SUGCT: variants seen among roughly 807,000 people sequenced by gnomAD.
SUGCT encodes succinyl-CoA:glutarate-CoA transferase, also known as succinyl-CoA:glutarate CoA-transferase.
SUGCT carries 41 observed loss-of-function variants against 55.0 expected under a neutral mutation model. The ratio of observed to expected loss-of-function variants is 0.74; its 90% CI spans 0.58 to 0.97. SUGCT has a LOEUF of 0.97. Among genes scored for constraint, SUGCT ranks in the 50% least tolerant of loss-of-function variants. SUGCT has a pLI of 0.00. For missense variants in SUGCT, 568 were observed against 547.8 expected (o/e 1.04, Z -0.37); for synonymous variants, 187 against 200.4 (o/e 0.93, Z 0.56).
chr7:40,242,925 A>G (rs1212500764), intron 7 of SUGCT, among the ~76,000 whole-genome samples: 1 of 26,428 alleles, frequency 3.8e-5, no homozygotes, highest in African/African-American at 1.4e-4. Flanking sequence ...ATATATATAT[A>G]TATATATATT....
At chr7:40,872,836 G>T in the SUGCT span, among the ~76,000 whole-genome samples, 1 of 152,216 alleles carries the variant, frequency 6.6e-6, no homozygotes, top group Non-Finnish European at 1.5e-5. Context: ...TCAAGTGAGA[G>T]AATTCATACC....
In SUGCT at chr7:40,773,598, C is replaced by T. The variant is rs144290783; in HGVS notation, c.1153+24101C>T. Among the ~76,000 whole-genome samples the T allele has an allele frequency of 5.3e-5, 8 of 152,236 alleles. 1 individual carries two copies. The South Asian group carries it at 6.2e-4, about 12-fold the overall frequency. On this transcript the variant is annotated intron_variant, in intron 13 of 13. Transcript: ENST00000335693. ...TTGCTTCAAATGATGAGCAGCTCTCCGATGGGAAAATCTATGTGATTTGAT... is the reference window on the plus strand; with the variant it reads ...TTGCTTCAAATGATGAGCAGCTCTCTGATGGGAAAATCTATGTGATTTGAT...
chr7:41,034,944 C>A, the SUGCT span, among the ~76,000 whole-genome samples: 1 of 152,156 alleles, frequency 6.6e-6, no homozygotes, highest in Admixed American at 6.5e-5. Flanking sequence ...CCTTCCAGAC[C>A]GTCTCAGCAT....
intron 12 of SUGCT, among the ~76,000 whole-genome samples, chr7:40,701,453 G>T (rs1166535401): frequency 6.6e-6 from 1 of 152,154 alleles, no homozygotes; most frequent in Non-Finnish European, 1.5e-5. Context: ...CCATCTGGCT[G>T]CTTCCAGGAC....
At chr7:40,494,732 A>G (rs941756912) in intron 11 of SUGCT, among the ~76,000 whole-genome samples, 1 of 152,158 alleles carries the variant, frequency 6.6e-6, no homozygotes, top group Non-Finnish European at 1.5e-5. Context: ...CCTTTATAAA[A>G]AATATTTATT....
Position 40,659,532 on chromosome 7 carries a change from T to C in SUGCT, c.1090-89902T>C, listed in dbSNP as rs542850616. ...ACCTCAGCTCATAAGTCACAAACTG[T>C]CACTTCTGTCCTGTTCTAGTAGTCA... On this transcript the variant is annotated intron_variant, in intron 12 of 13. Transcript: ENST00000335693. Among the ~76,000 whole-genome samples the C allele has an allele frequency of 2.0e-5, 3 of 152,356 alleles. 1 individual carries two copies. The South Asian group carries it at 6.2e-4, about 32-fold the overall frequency.
At chr7:40,747,618 C>A (rs930417680) in intron 12 of SUGCT, among the ~76,000 whole-genome samples, 1 of 152,134 alleles carries the variant, frequency 6.6e-6, no homozygotes, top group African/African-American at 2.4e-5. Flanking sequence ...CACTGAAATA[C>A]TTCTGTCATT....
At chr7:40,803,927 A>G (rs1436469965) in intron 13 of SUGCT, among the ~76,000 whole-genome samples, 1 of 152,208 alleles carries the variant, frequency 6.6e-6, no homozygotes, top group Non-Finnish European at 1.5e-5. Context: ...AGAGGAGGAA[A>G]CGATTTATAT....
chr7:40,545,634 A>G (rs1462015407), intron 12 of SUGCT, among the ~76,000 whole-genome samples: 1 of 152,244 alleles, frequency 6.6e-6, no homozygotes, highest in Non-Finnish European at 1.5e-5. Context: ...GAATAATTTT[A>G]TGAAAGTAAG....
At chr7:40,981,497 G>A in the SUGCT span, among the ~76,000 whole-genome samples, 1 of 152,162 alleles carries the variant, frequency 6.6e-6, no homozygotes, top group Non-Finnish European at 1.5e-5. Flanking sequence ...TACTCTTAGT[G>A]TTCTTTTCAG....
In SUGCT at chr7:40,391,349, C is replaced by G. The variant is rs1380236654; in HGVS notation, c.817-57938C>G. On this transcript the variant is annotated intron_variant, in intron 9 of 13. Coordinates refer to ENST00000335693, the MANE Select transcript of SUGCT (RefSeq NM_001193313.2). ...ACTACCATCAGAGTGAACAGGCAAC[C>G]TACAGAATGGGAGAAAATTTTTACA... Among the ~76,000 whole-genome samples the G allele has an allele frequency of 2.6e-5, 4 of 152,106 alleles. No homozygotes were observed. In the South Asian group the frequency reaches 8.3e-4, roughly 32 times the overall value.
intron 1 of SUGCT, among the ~76,000 whole-genome samples, chr7:40,150,975 G>A (rs547408306): frequency 6.6e-6 from 1 of 152,014 alleles, no homozygotes; most frequent in East Asian, 2.0e-4. Flanking sequence ...TGTGGTTTAC[G>A]ACTGTAATCC....
intron 12 of SUGCT, among the ~76,000 whole-genome samples, chr7:40,671,403 G>A (rs1366370896): frequency 6.6e-6 from 1 of 152,180 alleles, no homozygotes; most frequent in Non-Finnish European, 1.5e-5. Context: ...CAACAAGGCA[G>A]TGAAAGGAAA....
chr7:41,005,109 C>T, the SUGCT span, among the ~76,000 whole-genome samples: 5 of 152,160 alleles, frequency 3.3e-5, no homozygotes, highest in African/African-American at 1.2e-4. Flanking sequence ...ATGTGATGTG[C>T]GCCTAACATG....
chr7:40,397,125 G>A (rs1235058878), intron 9 of SUGCT, among the ~76,000 whole-genome samples: 1 of 152,124 alleles, frequency 6.6e-6, no homozygotes, highest in African/African-American at 2.4e-5. Context: ...ATGCAGAGTG[G>A]TCCTTTCCAG....
chr7:40,763,152 T>C (rs1788618335), intron 13 of SUGCT, among the ~76,000 whole-genome samples: 1 of 152,324 alleles, frequency 6.6e-6, no homozygotes, highest in East Asian at 1.9e-4. Context: ...TTATACTGTA[T>C]GTGGAGCTAC....
At chr7:40,837,501 T>C (rs1793049290) in intron 13 of SUGCT, among the ~76,000 whole-genome samples, 1 of 152,190 alleles carries the variant, frequency 6.6e-6, no homozygotes, top group Non-Finnish European at 1.5e-5. Context: ...ATTCTTCACC[T>C]AGTCTTAGAT....
chr7:40,216,149 T>C (rs1049428703), intron 6 of SUGCT, among the ~76,000 whole-genome samples: 1 of 144,572 alleles, frequency 6.9e-6, no homozygotes, highest in African/African-American at 2.6e-5. Context: ...AAATAAAAGG[T>C]GCTTTAAAAA....
chr7:40,772,534 CTA>C (rs1789183576), intron 13 of SUGCT, among the ~76,000 whole-genome samples: 2 of 151,094 alleles, frequency 1.3e-5, no homozygotes, highest in African/African-American at 2.4e-5. Flanking sequence ...ATCTATCTAT[CTA>C]TCTATCTATC....
Sources: gnomAD v4.1 joint callset for allele counts (sites outside exome capture counted in the v4.1 genomes callset) on GRCh38, gnomAD v4.1.1 for gene constraint, MANE v1.5 for transcripts, NCBI Gene and HGNC (gene_info 2026-07-23, HGNC 2026-07-21) for gene names.